Variants in CDH9 observed in about 807,000 individuals in gnomAD.
CDH9 encodes cadherin 9.
Under a neutral mutation model 70.9 loss-of-function variants are expected in CDH9, and 28 were observed. That is an observed-to-expected ratio of 0.40 (90% CI 0.29 to 0.54). The LOEUF (loss-of-function observed/expected upper bound fraction) is 0.54, where lower values mean the gene tolerates loss of function less well. Ranked by LOEUF, CDH9 falls within the 20% of genes least tolerant of loss-of-function variation. The pLI is 0.59. For synonymous variants in CDH9, 409 were observed against 343.1 expected, an observed-to-expected ratio of 1.19 and a Z score of -2.12; for missense variants, 874 against 984.4, an observed-to-expected ratio of 0.89 and a Z score of 1.50.
At chr5:27,002,626 T>C (rs1356180139) in intron 1 of CDH9, among the ~76,000 whole-genome samples, 9 of 152,166 alleles carry the variant, frequency 5.9e-5, no homozygotes, top group Non-Finnish European at 7.3e-5. Flanking sequence ...TATAGGGACA[T>C]GGATGAAGCT....
rs902002239 is a variant in CDH9 at position 26,933,645 on chromosome 5, G to A, written c.229-17721C>T. Among the ~76,000 whole-genome samples, 6 of 151,824 alleles carry A rather than the reference G, an allele frequency of 4.0e-5. No individual in the cohort carries two copies. The South Asian group carries it at 6.2e-4, about 16-fold the overall frequency. On this transcript the variant is annotated intron_variant, in intron 2 of 11. Coordinates refer to ENST00000231021, the MANE Select transcript of CDH9 (RefSeq NM_016279.4). ...AAAAATTAGCTGGGCGTGGTGGCGC[G>A]CATCTGTAGTCCCAACTGCTTGGGA...
intron 2 of CDH9, among the ~76,000 whole-genome samples, chr5:26,919,902 C>G (rs1166222148): frequency 1.3e-5 from 2 of 152,130 alleles, no homozygotes; most frequent in African/African-American, 2.4e-5. Flanking sequence ...GCAAGCAACA[C>G]TTGCTGTGGG....
chr5:26,926,289 A>G (rs1047905099), intron 2 of CDH9, among the ~76,000 whole-genome samples: 3 of 4,468 alleles, frequency 6.7e-4, no homozygotes, highest in Non-Finnish European at 1.2e-3. Context: ...GCATTCTTAT[A>G]CACCAATAAC....
chr5:26,935,904 G>T (rs1234524512), intron 2 of CDH9, among the ~76,000 whole-genome samples: 1 of 152,060 alleles, frequency 6.6e-6, no homozygotes, highest in South Asian at 2.1e-4. Flanking sequence ...TATATACCAT[G>T]GACTACTACT....
At chr5:26,987,563 T>C (rs1742509332) in intron 2 of CDH9, among the ~76,000 whole-genome samples, 1 of 152,028 alleles carries the variant, frequency 6.6e-6, no homozygotes, top group Non-Finnish European at 1.5e-5. Context: ...ATTGTCTGCT[T>C]CTGACTGGTA....
At chr5:26,966,559 T>C (rs1030562156) in intron 2 of CDH9, among the ~76,000 whole-genome samples, 14 of 152,176 alleles carry the variant, frequency 9.2e-5, no homozygotes, top group African/African-American at 3.4e-4. Flanking sequence ...AAATGAGGTG[T>C]CTCTATTAGC....
chr5:26,981,884 G>T (rs2052861), intron 2 of CDH9, among the ~76,000 whole-genome samples: 71,458 of 151,358 alleles, frequency 0.47, 17,632 homozygotes, highest in African/African-American at 0.51. Context: ...TTTTTAAAAT[G>T]ATTTTTAAAT....
At chr5:26,950,169 G>A (rs761213042) in intron 2 of CDH9, among the ~76,000 whole-genome samples, 7 of 152,120 alleles carry the variant, frequency 4.6e-5, no homozygotes, top group Non-Finnish European at 1.0e-4. Context: ...GGGTATAGAA[G>A]GATTAAGTAA....
chr5:27,000,678 TA>T (rs1489288969), intron 1 of CDH9, among the ~76,000 whole-genome samples: 35 of 152,154 alleles, frequency 2.3e-4, no homozygotes, highest in African/African-American at 8.0e-4. Flanking sequence ...ATAGAATCTT[TA>T]TTCTTAATCT....
chr5:26,999,900 C>T (rs1246148295), intron 1 of CDH9, among the ~76,000 whole-genome samples: 2 of 151,870 alleles, frequency 1.3e-5, no homozygotes, highest in African/African-American at 4.8e-5. Context: ...GAAGAAAATG[C>T]TGAAGAATAT....
At chr5:26,995,888 T>A (rs1057139740) in intron 1 of CDH9, among the ~76,000 whole-genome samples, 7 of 152,086 alleles carry the variant, frequency 4.6e-5, no homozygotes, top group Non-Finnish European at 1.0e-4. Context: ...ATCAGGGAAC[T>A]CACTCAAATC....
At chr5:27,015,921 A>C (rs532375358) in intron 1 of CDH9, among the ~76,000 whole-genome samples, 1 of 151,916 alleles carries the variant, frequency 6.6e-6, no homozygotes, top group South Asian at 2.1e-4. Flanking sequence ...TTGTCATCCT[A>C]ATCTAATGAG....
At chr5:26,962,304 A>T (rs1742050553) in intron 2 of CDH9, among the ~76,000 whole-genome samples, 1 of 152,152 alleles carries the variant, frequency 6.6e-6, no homozygotes, top group Admixed American at 6.5e-5. Flanking sequence ...GTGTCTTTAT[A>T]GTAGAATGAT....
At chr5:27,029,284 G>C (rs1334166122) in intron 1 of CDH9, among the ~76,000 whole-genome samples, 1 of 151,970 alleles carries the variant, frequency 6.6e-6, no homozygotes, top group Non-Finnish European at 1.5e-5. Flanking sequence ...TTCACACAGG[G>C]TTAGTTCCTG....
At chr5:27,018,329 T>G (rs1374471011) in intron 1 of CDH9, among the ~76,000 whole-genome samples, 2 of 151,658 alleles carry the variant, frequency 1.3e-5, no homozygotes, top group Non-Finnish European at 2.9e-5. Flanking sequence ...CACATACATG[T>G]AAAATTAAAT....
intron 2 of CDH9, among the ~76,000 whole-genome samples, chr5:26,922,351 A>C (rs1398471142): frequency 6.6e-6 from 1 of 152,140 alleles, no homozygotes; most frequent in African/African-American, 2.4e-5. Context: ...GAAAATAAAA[A>C]AACAACATAC....
intron 3 of CDH9, among the ~76,000 whole-genome samples, chr5:26,908,024 T>C (rs570678167): frequency 6.6e-6 from 1 of 152,282 alleles, no homozygotes; most frequent in Admixed American, 6.5e-5. Flanking sequence ...TATTAACAGC[T>C]CATTTCCTGT....
chr5:27,024,462 T>C (rs193173922), intron 1 of CDH9, among the ~76,000 whole-genome samples: 1 of 152,170 alleles, frequency 6.6e-6, no homozygotes, highest in East Asian at 1.9e-4. Flanking sequence ...TTATGTTTTG[T>C]TTTCCACCTT....
In CDH9 at chr5:26,915,724, C is replaced by A. The variant is rs748753503; in HGVS notation, c.429G>T (p.Ser143=). The A allele has an allele frequency of 1.2e-6, 2 of 1,613,014 alleles. No homozygotes were observed. Among genetic ancestry groups the A allele is most frequent in the South Asian group, 1.1e-5 (1 of 91,070 alleles). Residue 143 remains serine, a synonymous_variant, in exon 3 of 12, where the codon TCG becomes TCT. Coordinates refer to ENST00000231021, the MANE Select transcript of CDH9 (RefSeq NM_016279.4). ...RKTGRQVEPE[S]EFIIKIHDIN... ...TATCATGTATTTTAATGATAAATTC[C>A]GATTCCGGTTCCACCTGCCGCCCAG... is the stretch of plus-strand genomic sequence containing the variant.
Sources: gnomAD v4.1 joint callset for allele counts (sites outside exome capture counted in the v4.1 genomes callset) on GRCh38, gnomAD v4.1.1 for gene constraint, MANE v1.5 for transcripts, NCBI Gene and HGNC (gene_info 2026-07-23, HGNC 2026-07-21) for gene names.